CNTN5: variants seen among roughly 807,000 people sequenced by gnomAD.
The protein encoded by CNTN5 is contactin 5, also known as contactin-5.
A neutral mutation model predicts 129.1 loss-of-function variants in CNTN5; 77 were observed. That is an observed-to-expected ratio of 0.60 (90% CI 0.50 to 0.72). The LOEUF (loss-of-function observed/expected upper bound fraction) is 0.72. Ranked by LOEUF, CNTN5 falls within the 30% of genes least tolerant of loss-of-function variation. CNTN5 has a pLI of 0.00. For synonymous variants in CNTN5, 509 were observed against 465.6 expected (o/e 1.09, Z -1.20); for missense variants, 1,478 against 1,328.8 (o/e 1.11, Z -1.75).
intron 3 of CNTN5, among the ~76,000 whole-genome samples, chr11:99,699,143 T>C (rs1170205970): frequency 6.6e-6 from 1 of 151,392 alleles, no homozygotes; most frequent in Non-Finnish European, 1.5e-5. Flanking sequence ...CCATTTCTTG[T>C]TCATGTCGTG....
chr11:99,614,738 C>T (rs2135741788), intron 3 of CNTN5, among the ~76,000 whole-genome samples: 1 of 152,246 alleles, frequency 6.6e-6, no homozygotes, highest in Middle Eastern at 3.4e-3. Context: ...AACTGTGGAA[C>T]TGATGGAAAG....
intron 16 of CNTN5, among the ~76,000 whole-genome samples, chr11:100,243,870 T>C (rs2138689388): frequency 6.6e-6 from 1 of 152,294 alleles, no homozygotes; most frequent in East Asian, 1.9e-4. Flanking sequence ...TACTTCAGTA[T>C]GATCAGAATG....
At chr11:99,041,046 C>A (rs1311928528) in intron 1 of CNTN5, among the ~76,000 whole-genome samples, 1 of 152,104 alleles carries the variant, frequency 6.6e-6, no homozygotes, top group Non-Finnish European at 1.5e-5. Context: ...GAACTAATCT[C>A]CTCAAACCTT....
chr11:100,193,747 T>C, intron 15 of CNTN5, 84 bp downstream of exon 15: 2 of 1,159,394 alleles, frequency 1.7e-6, no homozygotes, highest in South Asian at 1.5e-5. Context: ...AGCTATGAAG[T>C]GCTAAGAAAA....
At chr11:99,052,302 G>C (rs1398442177) in intron 1 of CNTN5, among the ~76,000 whole-genome samples, 1 of 151,788 alleles carries the variant, frequency 6.6e-6, no homozygotes, top group African/African-American at 2.4e-5. Flanking sequence ...GTACAGCTAT[G>C]CTCCATGTAA....
chr11:99,217,984 C>G, intron 1 of CNTN5, among the ~76,000 whole-genome samples: 1 of 152,108 alleles, frequency 6.6e-6, no homozygotes, highest in East Asian at 1.9e-4. Flanking sequence ...TTGATACTCC[C>G]TATTTCTTTG....
chr11:100,178,140 A>G lies in CNTN5; in HGVS notation c.1581-12986A>G, dbSNP rs77822548. 6.6e-3 allele frequency among the ~76,000 whole-genome samples: 999 copies of G among 152,218 alleles called. 14 individuals are homozygous for G. The highest frequency in any genetic ancestry group is 0.023 in the African/African-American group (950 of 41,538). On this transcript the variant is annotated intron_variant, in intron 13 of 24. Transcript: ENST00000524871. ...TCAGCTCCACTCCCTCTTCTACCAT[A>G]AGGAGAATAGCAGCTCTTTTCTTGT...
intron 21 of CNTN5, among the ~76,000 whole-genome samples, chr11:100,322,158 T>C (rs1210878919): frequency 6.6e-6 from 1 of 152,186 alleles, no homozygotes; most frequent in Non-Finnish European, 1.5e-5. Flanking sequence ...TTATGTCTTG[T>C]TATTTTTCAC....
At chr11:100,290,630 G>T (rs1345485544) in intron 18 of CNTN5, among the ~76,000 whole-genome samples, 16 of 143,484 alleles carry the variant, frequency 1.1e-4, no homozygotes, top group East Asian at 2.0e-4. Context: ...AGACTTAAAC[G>T]TTAGACCTAA....
intron 1 of CNTN5, among the ~76,000 whole-genome samples, chr11:99,163,606 GTTTA>G (rs1367829911): frequency 6.6e-6 from 1 of 151,894 alleles, no homozygotes; most frequent in Non-Finnish European, 1.5e-5. Flanking sequence ...TTTACCTAAA[GTTTA>G]TTTATTTCTA....
At chr11:99,638,422 AC>A (rs757625934) in intron 3 of CNTN5, among the ~76,000 whole-genome samples, 1 of 152,008 alleles carries the variant, frequency 6.6e-6, no homozygotes, top group Admixed American at 6.6e-5. Context: ...GCGTTTCAAA[AC>A]CAGTCATGCC....
At chr11:99,957,121 C>T (rs1401466676) in intron 8 of CNTN5, 112 bp downstream of exon 8, 8 of 938,546 alleles carry the variant, frequency 8.5e-6, no homozygotes, top group Admixed American at 2.9e-5. Flanking sequence ...AATAAAAAGG[C>T]ATTTGCCATA....
intron 2 of CNTN5, among the ~76,000 whole-genome samples, chr11:99,552,814 C>T (rs1228811200): frequency 1.3e-5 from 2 of 152,098 alleles, no homozygotes; most frequent in Non-Finnish European, 2.9e-5. Flanking sequence ...TTCTTTCTCT[C>T]GCTGGTTCTC....
chr11:100,296,254 A>T (rs942672402), intron 18 of CNTN5, among the ~76,000 whole-genome samples: 1 of 151,698 alleles, frequency 6.6e-6, no homozygotes, highest in South Asian at 2.1e-4. Flanking sequence ...ATGTGGCAAC[A>T]ACTATGACTA....
chr11:99,756,455 T>A (rs1166326354), intron 3 of CNTN5, among the ~76,000 whole-genome samples: 1 of 152,116 alleles, frequency 6.6e-6, no homozygotes, highest in Non-Finnish European at 1.5e-5. Context: ...CAAAGACTAT[T>A]AAAGTAAGAA....
At chr11:100,287,297 C>T (rs573399629) in intron 18 of CNTN5, among the ~76,000 whole-genome samples, 1 of 151,702 alleles carries the variant, frequency 6.6e-6, no homozygotes, top group Admixed American at 6.6e-5. Context: ...CTCCAAGACA[C>T]ATAATTGTCA....
chr11:99,896,993 C>T (rs895852407), intron 6 of CNTN5, among the ~76,000 whole-genome samples: 26 of 152,216 alleles, frequency 1.7e-4, no homozygotes, highest in African/African-American at 4.8e-4. Context: ...GCCAGTGACC[C>T]GGGTACCAGC....
chr11:99,642,032 A>G (rs1003316805), intron 3 of CNTN5, among the ~76,000 whole-genome samples: 15 of 152,158 alleles, frequency 9.9e-5, no homozygotes, highest in African/African-American at 3.6e-4. Flanking sequence ...GATGAAACCC[A>G]CATTAGATCT....
intron 2 of CNTN5, among the ~76,000 whole-genome samples, chr11:99,342,745 G>A (rs1179487962): frequency 6.6e-6 from 1 of 151,606 alleles, no homozygotes; most frequent in African/African-American, 2.4e-5. Flanking sequence ...AAGAAAGAAA[G>A]AAAGAAAGAA....
Sources: gnomAD v4.1 joint callset for allele counts (sites outside exome capture counted in the v4.1 genomes callset) on GRCh38, gnomAD v4.1.1 for gene constraint, MANE v1.5 for transcripts, NCBI Gene and HGNC (gene_info 2026-07-23, HGNC 2026-07-21) for gene names.